The following ADAM32 variants were observed in gnomAD, a reference collection of about 807,000 sequenced individuals.
ADAM32 encodes the protein ADAM metallopeptidase domain 32.
Under a neutral mutation model 114.9 loss-of-function variants are expected in ADAM32, and 89 were observed. The ratio of observed to expected loss-of-function variants is 0.77; its 90% CI spans 0.65 to 0.92. The LOEUF is 0.92. ADAM32 is among the 40% of genes least tolerant of loss of function. ADAM32 has a pLI of 0.00. For synonymous variants in ADAM32, 285 were observed against 307.5 expected (o/e 0.93, Z 0.77); for missense variants, 870 against 932.8 (o/e 0.93, Z 0.88).
At chr8:39,114,207 A>T (rs1357148648) in intron 1 of ADAM32, among the ~76,000 whole-genome samples, 1 of 152,226 alleles carries the variant, frequency 6.6e-6, no homozygotes. Context: ...GTTCAGAGTC[A>T]GTAAATAATA....
intron 10 of ADAM32, among the ~76,000 whole-genome samples, chr8:39,177,014 C>A (rs1363067539): frequency 6.7e-6 from 1 of 150,172 alleles, no homozygotes; most frequent in Non-Finnish European, 1.5e-5. Flanking sequence ...GCAACTCCAA[C>A]TTTTTTCTGT....
intron 17 of ADAM32, among the ~76,000 whole-genome samples, chr8:39,249,512 T>C (rs886654911): frequency 6.6e-6 from 1 of 152,192 alleles, no homozygotes. Context: ...CCTGATAGAA[T>C]GAGTGAGGAA....
intron 2 of ADAM32, among the ~76,000 whole-genome samples, chr8:39,122,065 C>T (rs1426674363): frequency 6.6e-6 from 1 of 152,136 alleles, no homozygotes; most frequent in African/African-American, 2.4e-5. Flanking sequence ...TGTCTGGTTT[C>T]ACAGGTTCAC....
At chr8:39,179,793 G>T (rs11784002) in intron 10 of ADAM32, among the ~76,000 whole-genome samples, 37,382 of 152,128 alleles carry the variant, frequency 0.25, 4,983 homozygotes, top group Non-Finnish European at 0.29. Flanking sequence ...CCCAGTGTAA[G>T]AACCTGGATA....
In ADAM32 at chr8:39,158,462, G is replaced by C. The variant is rs142025462; in HGVS notation, c.526-2435G>C. 1.2e-4 allele frequency: 27 copies of C among 230,456 alleles called. No individual in the cohort carries two copies. In the East Asian group the frequency reaches 4.0e-3, roughly 34 times the overall value. The allele number at this position is 230,456 out of a possible 1,614,324, so 14.3% of individuals were successfully genotyped here. On this transcript the variant is annotated intron_variant, in intron 6 of 24. Coordinates refer to ENST00000379907, the MANE Select transcript of ADAM32 (RefSeq NM_145004.7). ...GATGCCTACTACCACCATGGGCAGT[G>C]TCTCCACAATGGTCATAGCCTCTAC... is the stretch of plus-strand genomic sequence containing the variant.
chr8:39,234,807 C>T (rs1164627382), intron 16 of ADAM32, among the ~76,000 whole-genome samples: 1 of 152,156 alleles, frequency 6.6e-6, no homozygotes, highest in East Asian at 1.9e-4. Context: ...GGAAGTAGAA[C>T]ACAACATCCA....
Position 39,169,797 on chromosome 8 carries a change from C to A in ADAM32, c.834-119C>A, listed in dbSNP as rs1045129607. On this transcript the variant is annotated intron_variant, in intron 9 of 24. Transcript: ENST00000379907. ...AACAATTGAGGACATATGGAAAGATCATACCTCAATTTGCTTCAGATTTGG... is the reference window on the plus strand; with the variant it reads ...AACAATTGAGGACATATGGAAAGATAATACCTCAATTTGCTTCAGATTTGG... The A allele has an allele frequency of 6.2e-6, 4 of 644,382 alleles. No homozygotes were observed. The Admixed American group carries it at 8.6e-5, about 14-fold the overall frequency. The allele number at this position is 644,382 out of a possible 1,614,324, so 39.9% of individuals were successfully genotyped here. A position where few individuals can be genotyped will look rare whatever the true frequency, so the allele number is the denominator to read the frequency against.
chr8:39,276,334 A>G (rs11988234), intron 22 of ADAM32: 19,281 of 152,300 alleles, frequency 0.13, 4,110 homozygotes, highest in African/African-American at 0.44. Flanking sequence ...CAAAAATTCC[A>G]CATCTTTCAT....
At chr8:39,133,271 G>A (rs1802576177) in intron 2 of ADAM32, among the ~76,000 whole-genome samples, 1 of 152,134 alleles carries the variant, frequency 6.6e-6, no homozygotes, top group Non-Finnish European at 1.5e-5. Flanking sequence ...CATGTGATCT[G>A]CTCCCCTTTA....
intron 2 of ADAM32, among the ~76,000 whole-genome samples, chr8:39,122,716 A>G (rs1801850645): frequency 6.6e-6 from 1 of 152,222 alleles, no homozygotes; most frequent in African/African-American, 2.4e-5. Flanking sequence ...AGCTGGAATT[A>G]CAGGCATGTG....
chr8:39,222,317 A>C (rs1809027319), intron 13 of ADAM32, among the ~76,000 whole-genome samples: 1 of 152,050 alleles, frequency 6.6e-6, no homozygotes, highest in Admixed American at 6.6e-5. Flanking sequence ...TCCGTAATGC[A>C]GTCTACCTTC....
At chr8:39,223,014 AT>A (rs778617161) in intron 13 of ADAM32, 25 bp from the exon 14 acceptor site, 3 of 1,512,322 alleles carry the variant, frequency 2.0e-6, no homozygotes, top group East Asian at 2.5e-5. Context: ...GTAATGCTTT[AT>A]TTTTTATGTT....
chr8:39,121,367 G>A (rs7840324), intron 2 of ADAM32, among the ~76,000 whole-genome samples: 2,760 of 152,066 alleles, frequency 0.018, 92 homozygotes, highest in African/African-American at 0.062. Context: ...CACAAACACC[G>A]CATGTTCTCA....
intron 20 of ADAM32, 81 bp downstream of exon 20, chr8:39,270,995 T>G (rs943775825): frequency 6.9e-5 from 93 of 1,339,548 alleles, no homozygotes; most frequent in Non-Finnish European, 9.4e-5. Flanking sequence ...TTTCCAATTT[T>G]TTTTTGAACA....
intron 11 of ADAM32, among the ~76,000 whole-genome samples, chr8:39,191,963 C>A (rs920756710): frequency 2.0e-4 from 30 of 152,132 alleles, no homozygotes; most frequent in South Asian, 4.1e-4. Flanking sequence ...GGAATGGTAC[C>A]CGGTCTTCTT....
At chr8:39,111,406 G>T (rs929611173) in intron 1 of ADAM32, among the ~76,000 whole-genome samples, 2 of 152,234 alleles carry the variant, frequency 1.3e-5, no homozygotes, top group Admixed American at 1.3e-4. Context: ...AAAATAGCTT[G>T]CTTAGATTTT....
chr8:39,237,564 C>T (rs1046986307), intron 16 of ADAM32, among the ~76,000 whole-genome samples: 2 of 147,044 alleles, frequency 1.4e-5, no homozygotes, highest in African/African-American at 5.0e-5. Context: ...TGACACTGGC[C>T]TTACTGGCTG....
intron 5 of ADAM32, among the ~76,000 whole-genome samples, chr8:39,150,679 C>CAGG (rs1434278055): frequency 6.6e-6 from 1 of 152,000 alleles, no homozygotes; most frequent in African/African-American, 2.4e-5. Flanking sequence ...TTCAGTGCTT[C>CAGG]CTACATAGAA....
rs561138746 is a variant in ADAM32, at chr8:39,173,786, A to G, written c.915+3789A>G. Among the ~76,000 whole-genome samples, 814 of 151,826 alleles carry G rather than the reference A, an allele frequency of 5.4e-3. 8 individuals carry two copies. The highest frequency in any genetic ancestry group is 0.019 in the African/African-American group (777 of 41,388). ...GCCTAGATTTTCTTCAAAGGTTTTGATAGTTTTGGGTTTTACATTTCAGTT... is the reference window on the plus strand; with the variant it reads ...GCCTAGATTTTCTTCAAAGGTTTTGGTAGTTTTGGGTTTTACATTTCAGTT... On this transcript the variant is annotated intron_variant, in intron 10 of 24. Coordinates refer to ENST00000379907, the MANE Select transcript of ADAM32 (RefSeq NM_145004.7).
Sources: allele counts gnomAD v4.1 joint callset (sites outside exome capture counted in the v4.1 genomes callset), GRCh38; gene constraint gnomAD v4.1.1; transcripts MANE v1.5; gene names NCBI Gene and HGNC (gene_info 2026-07-23, HGNC 2026-07-21).